The following TMTC2 variants were observed in gnomAD, a reference collection of about 807,000 sequenced individuals.
TMTC2 encodes protein O-mannosyl-transferase TMTC2.
Under a neutral mutation model 82.4 loss-of-function variants are expected in TMTC2, and 43 were observed. That is an observed-to-expected ratio of 0.52 (90% CI 0.41 to 0.67). TMTC2 has a LOEUF of 0.67. Ranked by LOEUF, TMTC2 falls within the 30% of genes least tolerant of loss-of-function variation. The pLI is 0.00. For synonymous variants in TMTC2, 408 were observed against 381.9 expected, an observed-to-expected ratio of 1.07 and a Z score of -0.80; for missense variants, 919 against 1,012.4, an observed-to-expected ratio of 0.91 and a Z score of 1.25.
In TMTC2 at chr12:82,916,707, G is replaced by A. The variant is rs183830364; in HGVS notation, c.1484-13724G>A. 2.4e-3 allele frequency among the ~76,000 whole-genome samples: 365 copies of A among 151,888 alleles called. 3 individuals carry two copies. The highest frequency in any genetic ancestry group is 8.3e-3 in the African/African-American group (345 of 41,392). ...AGATGTTATAGTGACAAATAATGCT[G>A]TCTAGACTAACAGTGTTAATATATT... On this transcript the variant is annotated intron_variant, in intron 3 of 11. Coordinates refer to ENST00000321196, the MANE Select transcript of TMTC2 (RefSeq NM_152588.3).
chr12:83,045,843 G>T (rs1366900746), intron 9 of TMTC2, among the ~76,000 whole-genome samples: 15 of 152,060 alleles, frequency 9.9e-5, no homozygotes, highest in African/African-American at 3.6e-4. Flanking sequence ...ACAAGGGAAA[G>T]CTGGTTCCTA....
rs764732953 is a variant in TMTC2, at chr12:82,930,424, T to G, written c.1484-7T>G. On this transcript the variant is annotated splice_region_variant and splice_polypyrimidine_tract_variant and intron_variant, in intron 3 of 11. Coordinates refer to ENST00000321196, the MANE Select transcript of TMTC2 (RefSeq NM_152588.3). Reference sequence around the variant, plus strand: ...TCAGTCTGAAAATTTCTTTTTCTTCTTGGCAGCATGGGGTAACCTTGGAAA... The same window carrying G: ...TCAGTCTGAAAATTTCTTTTTCTTCGTGGCAGCATGGGGTAACCTTGGAAA... 10 of 1,561,442 alleles carry G rather than the reference T, an allele frequency of 6.4e-6. No homozygotes were observed. The highest frequency in any genetic ancestry group is 1.4e-5 in the African/African-American group (1 of 73,376).
chr12:82,923,169 T>C (rs1455500597), intron 3 of TMTC2, among the ~76,000 whole-genome samples: 1 of 152,226 alleles, frequency 6.6e-6, no homozygotes, highest in Admixed American at 6.5e-5. Flanking sequence ...CTTATCCATT[T>C]TTCTATTTTC....
intron 1 of TMTC2, among the ~76,000 whole-genome samples, chr12:82,812,196 T>A (rs1868438812): frequency 6.6e-6 from 1 of 152,124 alleles, no homozygotes; most frequent in African/African-American, 2.4e-5. Flanking sequence ...TACTTTTCAC[T>A]TACTGATACT....
chr12:83,059,462 A>T (rs1014851899), intron 10 of TMTC2, among the ~76,000 whole-genome samples: 3 of 151,784 alleles, frequency 2.0e-5, no homozygotes, highest in African/African-American at 7.3e-5. Flanking sequence ...CCATAAACAC[A>T]TGCTGATTAG....
At chr12:82,927,205 GGAAT>G (rs1029809321) in intron 3 of TMTC2, among the ~76,000 whole-genome samples, 3 of 152,170 alleles carry the variant, frequency 2.0e-5, no homozygotes, top group Admixed American at 6.5e-5. Flanking sequence ...TGTGATTCAT[GGAAT>G]GAAGTCAGAA....
rs187321265 is a variant in TMTC2, at chr12:82,789,011, A to G, written c.84-67999A>G. 5.3e-5 allele frequency among the ~76,000 whole-genome samples: 8 copies of G among 152,204 alleles called. No individual in the cohort carries two copies. The East Asian group carries it at 1.5e-3, about 29-fold the overall frequency. On this transcript the variant is annotated intron_variant, in intron 1 of 11. Transcript: ENST00000321196. ...AGGACTCTGCCTCAAAAAATAGATA[A>G]ATAAAAGAAAGGAAAACCTGTTACC...
intron 2 of TMTC2, among the ~76,000 whole-genome samples, chr12:82,868,390 T>C (rs1213762190): frequency 3.3e-5 from 5 of 152,194 alleles, no homozygotes; most frequent in Non-Finnish European, 7.4e-5. Context: ...CAAGGTTAAT[T>C]CTTCTGAACA....
chr12:83,059,027 A>C (rs115030920), intron 10 of TMTC2, among the ~76,000 whole-genome samples: 201 of 151,930 alleles, frequency 1.3e-3, no homozygotes, highest in African/African-American at 4.6e-3. Context: ...AGGATTTAGA[A>C]ATTTTCTGTC....
At chr12:82,746,514 C>T (rs1875700397) in intron 1 of TMTC2, among the ~76,000 whole-genome samples, 1 of 152,188 alleles carries the variant, frequency 6.6e-6, no homozygotes, top group Non-Finnish European at 1.5e-5. Context: ...CATACACCCA[C>T]ATGAACCTTC....
At chr12:82,819,677 A>G (rs766532809) in intron 1 of TMTC2, among the ~76,000 whole-genome samples, 17 of 151,266 alleles carry the variant, frequency 1.1e-4, no homozygotes, top group Non-Finnish European at 1.6e-4. Flanking sequence ...AATTTTCTGT[A>G]TTTTTAGTAG....
At chr12:82,738,985 T>TA (rs973687612) in intron 1 of TMTC2, among the ~76,000 whole-genome samples, 1 of 151,760 alleles carries the variant, frequency 6.6e-6, no homozygotes, top group African/African-American at 2.4e-5. Context: ...CTATCTCTAC[T>TA]AAAAATGCAA....
At chr12:82,788,959 G>A (rs1176301563) in intron 1 of TMTC2, among the ~76,000 whole-genome samples, 3 of 152,136 alleles carry the variant, frequency 2.0e-5, no homozygotes, top group Non-Finnish European at 4.4e-5. Context: ...GAGCACAAGA[G>A]TTTCAGAACA....
intron 2 of TMTC2, among the ~76,000 whole-genome samples, chr12:82,860,263 C>T (rs930631916): frequency 6.6e-6 from 1 of 152,134 alleles, no homozygotes; most frequent in Non-Finnish European, 1.5e-5. Context: ...TGAACTACCA[C>T]GTCCAGCCCA....
chr12:82,929,522 T>C (rs1565814170), intron 3 of TMTC2, among the ~76,000 whole-genome samples: 2 of 152,214 alleles, frequency 1.3e-5, no homozygotes, highest in Admixed American at 6.5e-5. Flanking sequence ...TGCTCTTTTT[T>C]TGCATTAAAA....
intron 1 of TMTC2, among the ~76,000 whole-genome samples, chr12:82,716,032 A>G (rs1873878639): frequency 6.6e-6 from 1 of 152,154 alleles, no homozygotes; most frequent in Admixed American, 6.5e-5. Flanking sequence ...TTGAAGAGGG[A>G]TAAGAGGTGT....
At chr12:83,131,813 A>G (rs1397758990) in intron 11 of TMTC2, among the ~76,000 whole-genome samples, 1 of 152,214 alleles carries the variant, frequency 6.6e-6, no homozygotes, top group Non-Finnish European at 1.5e-5. Flanking sequence ...GGATTTGTCA[A>G]CTTTACCCAC....
At chr12:82,732,188 G>C (rs1325329302) in intron 1 of TMTC2, among the ~76,000 whole-genome samples, 1 of 152,036 alleles carries the variant, frequency 6.6e-6, no homozygotes, top group Non-Finnish European at 1.5e-5. Flanking sequence ...CTCCTGCTGC[G>C]TAATACCAAT....
At chr12:82,734,489 G>A (rs1874987519) in intron 1 of TMTC2, among the ~76,000 whole-genome samples, 1 of 152,176 alleles carries the variant, frequency 6.6e-6, no homozygotes, top group Non-Finnish European at 1.5e-5. Flanking sequence ...GCAGTGGTGT[G>A]CATCCTTCTC....
Sources: gnomAD v4.1 joint callset for allele counts (sites outside exome capture counted in the v4.1 genomes callset) on GRCh38, gnomAD v4.1.1 for gene constraint, MANE v1.5 for transcripts, NCBI Gene and HGNC (gene_info 2026-07-23, HGNC 2026-07-21) for gene names.